The following CFAP300 variants were observed in gnomAD, a reference collection of about 807,000 sequenced individuals.
CFAP300 encodes cilia- and flagella-associated protein 300.
A neutral mutation model predicts 33.0 loss-of-function variants in CFAP300; 32 were observed. That is an observed-to-expected ratio of 0.97 (90% CI 0.73 to 1.30). The LOEUF (loss-of-function observed/expected upper bound fraction) is 1.30. Among genes scored for constraint, CFAP300 ranks in the 50% most tolerant of loss-of-function variants. The pLI, the probability that CFAP300 is intolerant of heterozygous loss-of-function variation, is 0.00. For missense variants in CFAP300, 356 were observed against 318.1 expected (o/e 1.12, Z -0.90); for synonymous variants, 102 against 106.8 (o/e 0.95, Z 0.28).
chr11:102,079,500 C>T (rs1942444424), intron 5 of CFAP300, among the ~76,000 whole-genome samples: 1 of 152,052 alleles, frequency 6.6e-6, no homozygotes, highest in Non-Finnish European at 1.5e-5. Context: ...AGATGAAAAC[C>T]ACCTAAGATT....
chr11:102,059,807 C>G (rs1250610062), intron 3 of CFAP300, among the ~76,000 whole-genome samples: 2 of 138,866 alleles, frequency 1.4e-5, no homozygotes, highest in Non-Finnish European at 3.2e-5. Flanking sequence ...CAGCCAACCA[C>G]AGGACTTTTT....
intron 2 of CFAP300, among the ~76,000 whole-genome samples, chr11:102,054,983 C>CTT (rs567430596): frequency 4.9e-4 from 71 of 144,090 alleles, no homozygotes; most frequent in East Asian, 2.5e-3. Flanking sequence ...GTTTGATATT[C>CTT]TTTTTTTTTT....
Position 102,074,282 on chromosome 11 carries a change from C to T in CFAP300, c.436-1591C>T, listed in dbSNP as rs531885116. Reference sequence around the variant, plus strand: ...GCAGTGCCATTGTGTGGTCTCCAGGCAGCTGCCTATTACTAGTCTCTGGGC... The same window carrying T: ...GCAGTGCCATTGTGTGGTCTCCAGGTAGCTGCCTATTACTAGTCTCTGGGC... On this transcript the variant is annotated intron_variant, in intron 4 of 6. Transcript: ENST00000434758. Among the ~76,000 whole-genome samples the T allele has an allele frequency of 1.6e-4, 25 of 152,292 alleles. 1 individual carries two copies. Among genetic ancestry groups the T allele is most frequent in the Admixed American group, 1.2e-3 (18 of 15,306 alleles).
chr11:102,047,787 A>C, intron 1 of CFAP300, 28 bp from the exon 2 acceptor site: 2 of 1,612,140 alleles, frequency 1.2e-6, no homozygotes, highest in Non-Finnish European at 1.7e-6. Flanking sequence ...CAGCCCCCAG[A>C]TGATTTCTTT....
Position 102,066,722 on chromosome 11 carries a change from C to T in CFAP300, c.435+71C>T, listed in dbSNP as rs1591321620. ...AAATGCAAAAATGGCAAAAACTTTGCCTGCTTAAAGCATAAAATACCTTGT... is the reference window on the plus strand; with the variant it reads ...AAATGCAAAAATGGCAAAAACTTTGTCTGCTTAAAGCATAAAATACCTTGT... On this transcript the variant is annotated intron_variant, in intron 4 of 6. Transcript: ENST00000434758. 10 of 1,388,528 alleles carry T rather than the reference C, an allele frequency of 7.2e-6. No individual in the cohort carries two copies. The East Asian group carries it at 2.4e-4, about 34-fold the overall frequency. The allele number at this position is 1,388,528 out of a possible 1,614,324, so 86.0% of individuals were successfully genotyped here.
intron 6 of CFAP300, among the ~76,000 whole-genome samples, chr11:102,082,211 C>CA (rs982009400): frequency 1.5e-4 from 23 of 151,250 alleles, no homozygotes; most frequent in African/African-American, 5.4e-4. Flanking sequence ...CCCATCTCTA[C>CA]AAAAAATACA....
chr11:102,066,367 C>A, intron 3 of CFAP300, 118 bp from the exon 4 acceptor site: 9 of 597,674 alleles, frequency 1.5e-5, no homozygotes, highest in Admixed American at 3.7e-5. Flanking sequence ...TTAAATATAT[C>A]AAAAATGTCA....
chr11:102,068,629 A>C (rs1175431936), intron 4 of CFAP300, among the ~76,000 whole-genome samples: 1 of 152,114 alleles, frequency 6.6e-6, no homozygotes, highest in Non-Finnish European at 1.5e-5. Flanking sequence ...TCTACTAAAA[A>C]CACAAAAATT....
At position 102,066,379 on chromosome 11, in the gene CFAP300, ATTTG is replaced by A. The variant is rs1942225222; in HGVS notation, c.269-103_269-100del. On this transcript the variant is annotated intron_variant, in intron 3 of 6. Transcript: ENST00000434758. The stretch of plus-strand genomic sequence containing the variant: ...ATTTTAAATATATCAAAAATGTCAT[ATTTG>A]TTAACTTCTTAGAATTTCTGCATAG... The A allele has an allele frequency of 1.2e-5, 8 of 668,392 alleles. No individual in the cohort carries two copies. The South Asian group carries it at 2.3e-4, about 20-fold the overall frequency. The allele number at this position is 668,392 out of a possible 1,614,324, so 41.4% of individuals were successfully genotyped here.
chr11:102,066,028 G>A (rs562041960), intron 3 of CFAP300, among the ~76,000 whole-genome samples: 16 of 149,986 alleles, frequency 1.1e-4, no homozygotes, highest in African/African-American at 3.7e-4. Context: ...CGCAATCTTG[G>A]CTCACTGCAA....
Position 102,055,361 on chromosome 11 carries a change from C to CTTT in CFAP300, c.193-3508_193-3506dup, listed in dbSNP as rs561779599. 2.1e-4 allele frequency among the ~76,000 whole-genome samples: 24 copies of CTTT among 113,516 alleles called. 4 individuals are homozygous for CTTT. Among genetic ancestry groups the CTTT allele is most frequent in the Non-Finnish European group, 3.4e-4 (20 of 59,124 alleles). 74.5% of individuals were successfully genotyped at this position (113,516 alleles called of 152,430 possible). Reference sequence around the variant, plus strand: ...ATTTTGTTTTACCACATGCGTTACTCTTTTTTTTTTTTTGAGATAGGGTCT... The same window carrying CTTT: ...ATTTTGTTTTACCACATGCGTTACTCTTTTTTTTTTTTTTTTGAGATAGGGTCT... On this transcript the variant is annotated intron_variant, in intron 2 of 6. Coordinates refer to ENST00000434758, the MANE Select transcript of CFAP300 (RefSeq NM_032930.3).
chr11:102,061,292 A>G (rs915313339), intron 3 of CFAP300, among the ~76,000 whole-genome samples: 2 of 152,126 alleles, frequency 1.3e-5, no homozygotes, highest in South Asian at 2.1e-4. Flanking sequence ...TTTTTCTGCT[A>G]TATTTCTTTT....
rs191051168 is a variant in CFAP300 at position 102,050,752 on chromosome 11, C to T, written c.192+2856C>T. ...GGGGCCTGAAAGATGAGTAGGAATT[C>T]ATCAGGTAGATGAAGTGGCAAGGAT... On this transcript the variant is annotated intron_variant, in intron 2 of 6. Coordinates refer to ENST00000434758, the MANE Select transcript of CFAP300 (RefSeq NM_032930.3). Among the ~76,000 whole-genome samples, 327 of 152,202 alleles carry T rather than the reference C, an allele frequency of 2.1e-3. 1 individual carries two copies. The highest frequency in any genetic ancestry group is 7.3e-3 in the African/African-American group (305 of 41,532).
chr11:102,047,917 G>A, intron 2 of CFAP300, 21 bp downstream of exon 2: 1 of 1,611,488 alleles, frequency 6.2e-7, no homozygotes, highest in Non-Finnish European at 8.5e-7. Context: ...GGGTCGGAGA[G>A]TTCCCTGGGT....
chr11:102,081,606 A>G (rs1040076003), intron 6 of CFAP300, among the ~76,000 whole-genome samples: 4 of 152,184 alleles, frequency 2.6e-5, no homozygotes, highest in Admixed American at 2.0e-4. Flanking sequence ...TAAGAATGCC[A>G]CAAATGTCGC....
chr11:102,069,789 C>A (rs536874112), intron 4 of CFAP300, among the ~76,000 whole-genome samples: 5 of 151,932 alleles, frequency 3.3e-5, no homozygotes, highest in South Asian at 2.1e-4. Context: ...GGTGACAGAA[C>A]GAGACTCCAT....
At chr11:102,076,677 C>A (rs549016483) in intron 5 of CFAP300, among the ~76,000 whole-genome samples, 7 of 152,200 alleles carry the variant, frequency 4.6e-5, no homozygotes, top group African/African-American at 1.4e-4. Flanking sequence ...AGCAAAAGAT[C>A]TTAAAAGTTA....
Position 102,047,479 on chromosome 11 carries a change from T to G in CFAP300, c.9T>G (p.Thr3=). The G allele has an allele frequency of 2.0e-6, 3 of 1,535,916 alleles. No homozygotes were observed. Among genetic ancestry groups the G allele is most frequent in the Non-Finnish European group, 2.6e-6 (3 of 1,146,748 alleles). ...ACCCAGCCGAGAGCACGATGGCTACTGGGGAGCTCGGGGACTTGGGTGGCT... is the reference window on the plus strand; with the variant it reads ...ACCCAGCCGAGAGCACGATGGCTACGGGGGAGCTCGGGGACTTGGGTGGCT... The part of the protein sequence containing the change: MA[T]GELGDLGGYY... The change falls in exon 1 of 7, where the codon ACT becomes ACG. Residue 3 remains threonine (T), a synonymous_variant. Transcript: ENST00000434758.
chr11:102,048,688 C>CA (rs1941924632), intron 2 of CFAP300, among the ~76,000 whole-genome samples: 1 of 152,156 alleles, frequency 6.6e-6, no homozygotes, highest in Non-Finnish European at 1.5e-5. Flanking sequence ...GAAGCCGTAG[C>CA]ACAGTGATTT....
Sources: gnomAD v4.1 joint callset for allele counts (sites outside exome capture counted in the v4.1 genomes callset) on GRCh38, gnomAD v4.1.1 for gene constraint, MANE v1.5 for transcripts, NCBI Gene and HGNC (gene_info 2026-07-23, HGNC 2026-07-21) for gene names.